CRYZ: variants seen among roughly 807,000 people sequenced by gnomAD.
CRYZ encodes the protein crystallin zeta.
In CRYZ, 35 loss-of-function variants were observed where a neutral mutation model predicts 34.1. The observed-to-expected ratio is 1.03, with a 90% CI of 0.78 to 1.36. The LOEUF (loss-of-function observed/expected upper bound fraction) is 1.36. Ranked by LOEUF, CRYZ falls within the 40% of genes most tolerant of loss-of-function variation. The probability of loss-of-function intolerance (pLI) is 0.00; values close to 1 mark genes in which losing one functional copy is unlikely to be tolerated. For synonymous variants in CRYZ, 137 were observed against 136.5 expected, an observed-to-expected ratio of 1.00 and a Z score of -0.03; for missense variants, 403 against 391.8, an observed-to-expected ratio of 1.03 and a Z score of -0.24.
chr1:74,724,679 T>C, intron 2 of CRYZ, 32 bp downstream of exon 2: 1 of 1,336,650 alleles, frequency 7.5e-7, no homozygotes, highest in Non-Finnish European at 1.1e-6. Flanking sequence ...CTCAGTATAA[T>C]TATAGCCTCA....
Position 74,705,644 on chromosome 1 carries a change from C to T in CRYZ, c.*652G>A, listed in dbSNP as rs548654881. ...TCTACTCTGAAAATCTAATCAATTG[C>T]GAAGTATTACCTATTTGGAGACTAT... is the stretch of plus-strand genomic sequence containing the variant. On this transcript the variant is annotated 3_prime_UTR_variant, in exon 9 of 9. Coordinates refer to ENST00000340866, the MANE Select transcript of CRYZ (RefSeq NM_001889.4). The T allele has an allele frequency of 5.3e-5, 8 of 152,020 alleles. No individual in the cohort carries two copies. Among genetic ancestry groups the T allele is most frequent in the East Asian group, 3.9e-4 (2 of 5,180 alleles). 9.4% of individuals were successfully genotyped at this position (152,020 alleles called of 1,614,324 possible).
chr1:74,719,983 A>G (rs1332389379), intron 3 of CRYZ, among the ~76,000 whole-genome samples: 1 of 151,952 alleles, frequency 6.6e-6, no homozygotes, highest in African/African-American at 2.4e-5. Flanking sequence ...GTGTCTCTGG[A>G]GTGTTATCTA....
chr1:74,730,787 C>G (rs190708989), intron 1 of CRYZ, among the ~76,000 whole-genome samples: 1 of 152,032 alleles, frequency 6.6e-6, no homozygotes, highest in African/African-American at 2.4e-5. Flanking sequence ...CCCTTTACTT[C>G]GTAGAAATAA....
chr1:74,706,968 T>C lies in CRYZ; in HGVS notation c.759A>G (p.Glu253=), dbSNP rs17552114. The part of the protein sequence containing the change: ...VIVVGSRGTI[E]INPRDTMAKE... ...TTGCCATGGTGTCTCGTGGGTTTAT[T>C]TCAATAGTACCTCTGCTGCCAACAA... The change falls in exon 8 of 9, where the codon GAA becomes GAG. Residue 253 remains glutamate (E), a synonymous_variant. Transcript: ENST00000340866. The C allele has an allele frequency of 0.04, 64,730 of 1,612,554 alleles. 1,486 individuals carry two copies. The highest frequency in any genetic ancestry group is 0.048 in the Non-Finnish European group (56,496 of 1,178,842).
intron 1 of CRYZ, among the ~76,000 whole-genome samples, chr1:74,726,590 A>G (rs916369414): frequency 3.7e-4 from 56 of 152,072 alleles, no homozygotes; most frequent in Admixed American, 3.4e-3. Flanking sequence ...CCCTGGAGAC[A>G]TTTTCCCCAT....
intron 1 of CRYZ, among the ~76,000 whole-genome samples, chr1:74,726,419 A>C (rs1647341577): frequency 6.6e-6 from 1 of 152,150 alleles, no homozygotes; most frequent in Non-Finnish European, 1.5e-5. Context: ...AAATGGCCTG[A>C]TCTGTATGTT....
At chr1:74,726,412 T>C (rs564984073) in intron 1 of CRYZ, among the ~76,000 whole-genome samples, 31 of 152,280 alleles carry the variant, frequency 2.0e-4, no homozygotes, top group African/African-American at 7.0e-4. Flanking sequence ...TCTGAAGAAA[T>C]GGCCTGATCT....
chr1:74,719,645 A>C lies in CRYZ; in HGVS notation c.265-273T>G, dbSNP rs530965560. Among the ~76,000 whole-genome samples, 1,000 of 151,740 alleles carry C rather than the reference A, an allele frequency of 6.6e-3. 3 individuals carry two copies. The highest frequency in any genetic ancestry group is 0.012 in the Non-Finnish European group (807 of 67,834). ...TGAGTAGCTAGGATTACAGGCGCGC[A>C]CCACCACACCCGGCTGATTTTTGTA... On this transcript the variant is annotated intron_variant, in intron 3 of 8. Transcript: ENST00000340866.
At position 74,722,608 on chromosome 1, in the gene CRYZ, A is replaced by G. The variant is rs199519446; in HGVS notation, c.264+510T>C. Among the ~76,000 whole-genome samples the G allele has an allele frequency of 3.1e-3, 466 of 150,642 alleles. 2 individuals are homozygous for G. Among genetic ancestry groups the G allele is most frequent in the African/African-American group, 6.9e-3 (284 of 41,028 alleles). Reference sequence around the variant, plus strand: ...TGTCTTTGGGCATATATATATATATATGTGTGTGTGTGTATATATATATAT... The same window carrying G: ...TGTCTTTGGGCATATATATATATATGTGTGTGTGTGTGTATATATATATAT... On this transcript the variant is annotated intron_variant, in intron 3 of 8. Transcript: ENST00000340866.
rs1055188034 is a variant in CRYZ at position 74,705,690 on chromosome 1, C to T, written c.*606G>A. On this transcript the variant is annotated 3_prime_UTR_variant, in exon 9 of 9. Coordinates refer to ENST00000340866, the MANE Select transcript of CRYZ (RefSeq NM_001889.4). ...ACTATGTATTATATCAAAGATAAAG[C>T]TACTATTCTCACAGAACATATGGGG... The T allele has an allele frequency of 6.6e-6, 1 of 152,048 alleles. No homozygotes were observed. The highest frequency in any genetic ancestry group is 2.4e-5 in the African/African-American group (1 of 41,410). The allele number at this position is 152,048 out of a possible 1,614,324, so 9.4% of individuals were successfully genotyped here. A position where few individuals can be genotyped will look rare whatever the true frequency, so the allele number is the denominator to read the frequency against.
In CRYZ at chr1:74,710,146, G is replaced by C; in HGVS notation, c.582C>G (p.Ala194=). The part of the protein sequence containing the change: ...EGQKIVLQNG[A]HEVFNHREVN... Reference sequence around the variant, plus strand: ...CTTCTCTGTGATTGAACACTTCATGGGCTCCATTTTGCAAAACAATCTTTT... The same window carrying C: ...CTTCTCTGTGATTGAACACTTCATGCGCTCCATTTTGCAAAACAATCTTTT... The change falls in exon 6 of 9, where the codon GCC becomes GCG. Residue 194 remains alanine, a synonymous_variant. Coordinates refer to ENST00000340866, the MANE Select transcript of CRYZ (RefSeq NM_001889.4). 1.2e-6 allele frequency: 2 copies of C among 1,613,690 alleles called. No individual in the cohort carries two copies. Among genetic ancestry groups the C allele is most frequent in the Non-Finnish European group, 1.7e-6 (2 of 1,179,768 alleles).
chr1:74,712,872 T>A (rs1647023700), intron 5 of CRYZ, among the ~76,000 whole-genome samples: 1 of 152,200 alleles, frequency 6.6e-6, no homozygotes, highest in Non-Finnish European at 1.5e-5. Flanking sequence ...CCAGCAATGA[T>A]CCTTCAACAG....
chr1:74,707,288 A>G, intron 6 of CRYZ, 84 bp from the exon 7 acceptor site: 1 of 696,664 alleles, frequency 1.4e-6, no homozygotes, highest in South Asian at 1.8e-5. Flanking sequence ...TATTATAGAA[A>G]TATGTTTCAA....
rs143690792 is a variant in CRYZ at position 74,721,518 on chromosome 1, T to A, written c.264+1600A>T. Among the ~76,000 whole-genome samples the A allele has an allele frequency of 1.3e-3, 193 of 152,298 alleles. 1 individual carries two copies. The highest frequency in any genetic ancestry group is 4.3e-3 in the African/African-American group (177 of 41,566). Reference sequence around the variant, plus strand: ...AGGTGTAAAACAATCAGAATTAAATTCTATAAAGTGATTCATTCTAGAGTA... The same window carrying A: ...AGGTGTAAAACAATCAGAATTAAATACTATAAAGTGATTCATTCTAGAGTA... On this transcript the variant is annotated intron_variant, in intron 3 of 8. Coordinates refer to ENST00000340866, the MANE Select transcript of CRYZ (RefSeq NM_001889.4).
intron 1 of CRYZ, among the ~76,000 whole-genome samples, chr1:74,732,611 G>GCA (rs1647873526): frequency 2.2e-5 from 1 of 46,270 alleles, no homozygotes; most frequent in Non-Finnish European, 5.9e-5. Context: ...GGGGGGGGGG[G>GCA]GGGGTGCAGC....
At chr1:74,726,951 A>C (rs774637153) in intron 1 of CRYZ, among the ~76,000 whole-genome samples, 10 of 152,110 alleles carry the variant, frequency 6.6e-5, no homozygotes, top group Non-Finnish European at 1.2e-4. Flanking sequence ...AAACACAACA[A>C]AAGTCACCTT....
chr1:74,719,224 C>T lies in CRYZ; in HGVS notation c.413G>A (p.Arg138Gln), dbSNP rs758414819. 14 of 1,613,480 alleles carry T rather than the reference C, an allele frequency of 8.7e-6. No individual in the cohort carries two copies. The highest frequency in any genetic ancestry group is 3.3e-5 in the Admixed American group (2 of 59,948). The change falls in exon 4 of 9, where the codon CGA (arginine) becomes CAA (glutamine). Residue 138 changes from arginine to glutamine, a missense_variant. Arg to Gln is a conservative substitution (Grantham distance 43, BLOSUM62 1). Coordinates refer to ENST00000340866, the MANE Select transcript of CRYZ (RefSeq NM_001889.4). ...GTGTTATTACCTGTGGATCAGAGCTCGATAAGCAGTAAAATATGGAATGCC... is the reference window on the plus strand; with the variant it reads ...GTGTTATTACCTGTGGATCAGAGCTTGATAAGCAGTAAAATATGGAATGCC... Reference protein sequence around the residue: ...AIGIPYFTAYRALIHSACVKA... With the variant: ...AIGIPYFTAYQALIHSACVKA...
chr1:74,724,818 C>G lies in CRYZ; in HGVS notation c.4G>C (p.Ala2Pro), dbSNP rs772178785. The change falls in exon 2 of 9, where the codon GCG becomes CCG. Residue 2 changes from alanine to proline, a missense_variant. Coordinates refer to ENST00000340866, the MANE Select transcript of CRYZ (RefSeq NM_001889.4). MATGQKLMRAVR... is the reference protein window; with the variant it reads MPTGQKLMRAVR... ...GCTCTCATCAACTTCTGTCCAGTCG[C>G]CATGGTGATCTAGATACTAAGGAAG... is the stretch of plus-strand genomic sequence containing the variant. 8.8e-6 allele frequency: 14 copies of G among 1,598,852 alleles called. No homozygotes were observed. The African/African-American group carries it at 1.8e-4, about 20-fold the overall frequency.
Position 74,706,468 on chromosome 1 carries a change from G to GAA in CRYZ, c.829-13_829-12dup. The GAA allele has an allele frequency of 6.3e-7, 1 of 1,583,514 alleles. No individual in the cohort carries two copies. Among genetic ancestry groups the GAA allele is most frequent in the Middle Eastern group, 1.7e-4 (1 of 5,888 alleles). On this transcript the variant is annotated splice_polypyrimidine_tract_variant and intron_variant, in intron 8 of 8. Coordinates refer to ENST00000340866, the MANE Select transcript of CRYZ (RefSeq NM_001889.4). ...TTGCTGAAATTCCTCCTAAGAAAAGGAAAAACAAATTTCTTTTTGTAGTGA... is the reference window on the plus strand; with the variant it reads ...TTGCTGAAATTCCTCCTAAGAAAAGGAAAAAAACAAATTTCTTTTTGTAGTGA...
Sources: gnomAD v4.1 joint callset for allele counts (sites outside exome capture counted in the v4.1 genomes callset) on GRCh38, gnomAD v4.1.1 for gene constraint, MANE v1.5 for transcripts, NCBI Gene and HGNC (gene_info 2026-07-23, HGNC 2026-07-21) for gene names.